Variants in ATP8A2 observed in about 807,000 individuals in gnomAD.
The protein encoded by ATP8A2 is phospholipid-transporting ATPase IB.
In ATP8A2, 100 loss-of-function variants were observed where a neutral mutation model predicts 165.6. The observed-to-expected ratio is 0.60, with a 90% CI of 0.51 to 0.71. The LOEUF (loss-of-function observed/expected upper bound fraction) is 0.71. Ranked by LOEUF, ATP8A2 falls within the 30% of genes least tolerant of loss-of-function variation. The pLI is 0.00. For missense variants in ATP8A2, 1,227 were observed against 1,479.5 expected (o/e 0.83, Z 2.80); for synonymous variants, 543 against 548.8 (o/e 0.99, Z 0.15).
At chr13:25,580,581 T>C (rs1474321086) in intron 22 of ATP8A2, among the ~76,000 whole-genome samples, 3 of 152,168 alleles carry the variant, frequency 2.0e-5, no homozygotes, top group Non-Finnish European at 4.4e-5. Flanking sequence ...GGACCCAGGC[T>C]AGAATGTAAT....
At chr13:25,462,769 C>G (rs541715588) in intron 1 of ATP8A2, among the ~76,000 whole-genome samples, 1 of 151,688 alleles carries the variant, frequency 6.6e-6, no homozygotes, top group South Asian at 2.1e-4. Context: ...ATCTAGCAAC[C>G]CACCATGAGT....
intron 1 of ATP8A2, among the ~76,000 whole-genome samples, chr13:25,405,075 C>T (rs1237494019): frequency 2.6e-5 from 4 of 152,104 alleles, no homozygotes; most frequent in Non-Finnish European, 5.9e-5. Flanking sequence ...CAGGGCCAAA[C>T]GCTGCCGGGC....
chr13:25,798,846 C>A (rs1282807522), intron 27 of ATP8A2, among the ~76,000 whole-genome samples: 2 of 152,006 alleles, frequency 1.3e-5, no homozygotes, highest in Non-Finnish European at 2.9e-5. Flanking sequence ...CTCTTAGGGT[C>A]CTGGCTGGGC....
At chr13:25,567,164 T>A (rs2039338881) in intron 16 of ATP8A2, 1 of 335,272 alleles carries the variant, frequency 3.0e-6, no homozygotes, top group African/African-American at 2.2e-5. Flanking sequence ...CTCTCACAGG[T>A]GTTCTTTCCA....
At chr13:25,888,072 C>CCCCCA (rs1953221849) in intron 33 of ATP8A2, among the ~76,000 whole-genome samples, 2 of 131,208 alleles carry the variant, frequency 1.5e-5, no homozygotes. Flanking sequence ...ACCCAGACCC[C>CCCCCA]CCCCCCGCCC....
intron 24 of ATP8A2, among the ~76,000 whole-genome samples, chr13:25,693,247 T>C (rs144911556): frequency 6.6e-6 from 1 of 152,278 alleles, no homozygotes; most frequent in East Asian, 1.9e-4. Context: ...TCATAGTCCA[T>C]TTGAGAATAA....
intron 33 of ATP8A2, among the ~76,000 whole-genome samples, chr13:25,914,979 A>G (rs1304561619): frequency 1.3e-5 from 2 of 152,208 alleles, no homozygotes; most frequent in African/African-American, 4.8e-5. Context: ...AGGTTTCGCC[A>G]TGAAAGGTGT....
chr13:25,586,113 T>C (rs2039914221), intron 23 of ATP8A2, among the ~76,000 whole-genome samples: 1 of 152,166 alleles, frequency 6.6e-6, no homozygotes, highest in Non-Finnish European at 1.5e-5. Flanking sequence ...AAAGGCATTA[T>C]CCCCTTTTAA....
At chr13:25,535,846 T>A (rs552713723) in intron 6 of ATP8A2, among the ~76,000 whole-genome samples, 1 of 151,940 alleles carries the variant, frequency 6.6e-6, no homozygotes, top group Non-Finnish European at 1.5e-5. Context: ...AAAAAAAAAT[T>A]TTTTTTCAAG....
At position 25,699,332 on chromosome 13, in the gene ATP8A2, G is replaced by A. The variant is rs2042902807; in HGVS notation, c.2371G>A (p.Val791Ile). The A allele has an allele frequency of 2.5e-6, 4 of 1,611,970 alleles. 1 individual carries two copies. In the South Asian group the frequency reaches 4.4e-5, roughly 18 times the overall value. ...GGATTTGGCACTCTCGTGCAAAGCGGTCATATGCTGCAGGTAGGAACCTGC... is the reference window on the plus strand; with the variant it reads ...GGATTTGGCACTCTCGTGCAAAGCGATCATATGCTGCAGGTAGGAACCTGC... ...FLDLALSCKA[V>I]ICCRVSPLQK... is the part of the protein sequence containing the mutation. Residue 791 changes from valine to isoleucine, a missense_variant, in exon 25 of 37, where the codon GTC becomes ATC. Physicochemically the swap from Val to Ile is conservative, Grantham distance 29 (BLOSUM62 3). Coordinates refer to ENST00000381655, the MANE Select transcript of ATP8A2 (RefSeq NM_016529.6).
intron 24 of ATP8A2, among the ~76,000 whole-genome samples, chr13:25,680,345 G>A (rs1049959957): frequency 6.6e-6 from 1 of 152,182 alleles, no homozygotes; most frequent in Non-Finnish European, 1.5e-5. Context: ...CTGCAGCTGT[G>A]TACTAAGGAA....
At chr13:26,008,776 A>C (rs1275763406) in intron 35 of ATP8A2, among the ~76,000 whole-genome samples, 2 of 152,256 alleles carry the variant, frequency 1.3e-5, no homozygotes, top group Non-Finnish European at 2.9e-5. Context: ...AGACAAGAAG[A>C]GATGGAAAAA....
chr13:25,412,124 C>G (rs144454011), intron 1 of ATP8A2, among the ~76,000 whole-genome samples: 3 of 152,260 alleles, frequency 2.0e-5, no homozygotes, highest in Admixed American at 2.0e-4. Context: ...GGGTGCCCCT[C>G]TCAGAGACAG....
At chr13:25,872,454 G>A (rs1952704809) in intron 33 of ATP8A2, among the ~76,000 whole-genome samples, 2 of 152,296 alleles carry the variant, frequency 1.3e-5, no homozygotes, top group African/African-American at 4.8e-5. Flanking sequence ...GTTAGATATT[G>A]TCGTTCTATA....
intron 10 of ATP8A2, 109 bp downstream of exon 10, chr13:25,543,511 C>A: frequency 3.0e-6 from 2 of 675,250 alleles, no homozygotes; most frequent in South Asian, 2.4e-5. Flanking sequence ...TGTCTATGAA[C>A]CTAAATTTGG....
intron 2 of ATP8A2, among the ~76,000 whole-genome samples, chr13:25,487,837 CT>C (rs1314870983): frequency 6.6e-6 from 1 of 151,848 alleles, no homozygotes; most frequent in Non-Finnish European, 1.5e-5. Flanking sequence ...TAATCTTTCT[CT>C]CTTTCTTTCT....
chr13:25,554,002 A>G, intron 12 of ATP8A2, 82 bp downstream of exon 12: 2 of 1,420,320 alleles, frequency 1.4e-6, no homozygotes, highest in Non-Finnish European at 1.9e-6. Context: ...CTCAAAAAAG[A>G]AGAACTATAT....
At chr13:25,517,822 T>A (rs2037529764) in intron 2 of ATP8A2, among the ~76,000 whole-genome samples, 1 of 152,238 alleles carries the variant, frequency 6.6e-6, no homozygotes, top group African/African-American at 2.4e-5. Flanking sequence ...TATTTGTAAC[T>A]GGTGAGATTT....
At chr13:25,522,670 A>C (rs1483094088) in intron 2 of ATP8A2, among the ~76,000 whole-genome samples, 1 of 152,164 alleles carries the variant, frequency 6.6e-6, no homozygotes, top group African/African-American at 2.4e-5. Context: ...AAATGATCAC[A>C]TGGTTTTTGT....
Sources: allele counts gnomAD v4.1 joint callset (sites outside exome capture counted in the v4.1 genomes callset), GRCh38; gene constraint gnomAD v4.1.1; transcripts MANE v1.5; gene names NCBI Gene and HGNC (gene_info 2026-07-23, HGNC 2026-07-21).